The following KCNN2 variants were observed in gnomAD, a reference collection of about 807,000 sequenced individuals.
The protein encoded by KCNN2 is potassium calcium-activated channel subfamily N member 2, also known as small conductance calcium-activated potassium channel protein 2.
In KCNN2, 24 loss-of-function variants were observed where a neutral mutation model predicts 55.5. That is an observed-to-expected ratio of 0.43 (90% CI 0.31 to 0.61). The LOEUF is 0.61. Among genes scored for constraint, KCNN2 ranks in the 20% least tolerant of loss-of-function variants. The pLI, the probability that KCNN2 is intolerant of heterozygous loss-of-function variation, is 0.08. For synonymous variants in KCNN2, 431 were observed against 336.1 expected (o/e 1.28, Z -3.09); for missense variants, 754 against 853.6 (o/e 0.88, Z 1.45).
chr5:114,325,221 G>C (rs1452086672), intron 2 of KCNN2, among the ~76,000 whole-genome samples: 1 of 152,156 alleles, frequency 6.6e-6, no homozygotes, highest in Non-Finnish European at 1.5e-5. Context: ...GAGGAATCAG[G>C]ACGTGATGAT....
intron 3 of KCNN2, among the ~76,000 whole-genome samples, chr5:114,427,524 C>T (rs1029267791): frequency 6.6e-6 from 1 of 152,180 alleles, no homozygotes; most frequent in African/African-American, 2.4e-5. Context: ...TATTAGAGTC[C>T]TATTATGTTA....
At chr5:114,286,524 A>G (rs1755757791) in intron 2 of KCNN2, among the ~76,000 whole-genome samples, 1 of 152,194 alleles carries the variant, frequency 6.6e-6, no homozygotes, top group Admixed American at 6.5e-5. Flanking sequence ...GAGGAAAACT[A>G]ATGTTTTAGT....
chr5:114,426,568 C>G (rs1392217426), intron 3 of KCNN2, among the ~76,000 whole-genome samples: 2 of 151,962 alleles, frequency 1.3e-5, no homozygotes, highest in African/African-American at 4.8e-5. Flanking sequence ...GAGTATAATT[C>G]TTCTTTAAAC....
exon 1 of KCNN2, chr5:114,056,374 C>A (rs1750207327): frequency 7.5e-6 from 3 of 398,518 alleles, no homozygotes; most frequent in African/African-American, 6.2e-5. Flanking sequence ...TCCCGGTGAA[C>A]CTGCCGGAAT....
At chr5:114,420,705 TTTAAA>T (rs1367443359) in intron 3 of KCNN2, among the ~76,000 whole-genome samples, 7 of 152,348 alleles carry the variant, frequency 4.6e-5, no homozygotes, top group African/African-American at 1.2e-4. Flanking sequence ...ACATTTTTAC[TTTAAA>T]TTAAGAAAGC....
chr5:114,496,133 G>A lies in KCNN2; in HGVS notation c.2327G>A (p.Arg776Lys). ...GAGCGGTCCCGGTCCTCGTCCAGGAGGCGGCGGTCCTCTTCCACAGCACCA... is the reference window on the plus strand; with the variant it reads ...GAGCGGTCCCGGTCCTCGTCCAGGAAGCGGCGGTCCTCTTCCACAGCACCA... ...NAERSRSSSR[R>K]RRSSSTAPPT... is the part of the protein sequence containing the mutation. Residue 776 changes from arginine (R) to lysine (K), a missense_variant, in exon 8 of 8, where the codon AGG becomes AAG. By Grantham distance (26) the Arg-to-Lys change is conservative. Coordinates refer to ENST00000673685, the MANE Select transcript of KCNN2 (RefSeq NM_021614.4). The A allele has an allele frequency of 1.9e-6, 3 of 1,613,998 alleles. No individual in the cohort carries two copies. The highest frequency in any genetic ancestry group is 2.5e-6 in the Non-Finnish European group (3 of 1,179,958).
chr5:114,378,347 G>A (rs1367285403), intron 2 of KCNN2, among the ~76,000 whole-genome samples: 1 of 152,206 alleles, frequency 6.6e-6, no homozygotes, highest in Non-Finnish European at 1.5e-5. Flanking sequence ...CAGCCCCTGA[G>A]TTAGAGAAGT....
intron 1 of KCNN2, among the ~76,000 whole-genome samples, chr5:114,098,693 C>T (rs552003494): frequency 1.3e-5 from 2 of 152,242 alleles, no homozygotes; most frequent in Non-Finnish European, 2.9e-5. Context: ...GTCTACCACA[C>T]TTCTCTTTTA....
At chr5:114,393,990 T>A (rs1000262918) in intron 2 of KCNN2, among the ~76,000 whole-genome samples, 10 of 152,128 alleles carry the variant, frequency 6.6e-5, no homozygotes, top group African/African-American at 2.4e-4. Flanking sequence ...ATTCACTATT[T>A]TTCACTCTTG....
At chr5:114,410,993 C>G (rs1243666925) in intron 3 of KCNN2, among the ~76,000 whole-genome samples, 3 of 152,092 alleles carry the variant, frequency 2.0e-5, no homozygotes, top group Non-Finnish European at 2.9e-5. Context: ...TTTGGATAAT[C>G]TAAACTGCAT....
At chr5:114,086,597 T>C (rs996707455) in intron 1 of KCNN2, among the ~76,000 whole-genome samples, 1 of 152,044 alleles carries the variant, frequency 6.6e-6, no homozygotes, top group Non-Finnish European at 1.5e-5. Flanking sequence ...TCTATGTCAC[T>C]GCAAAGGACG....
chr5:114,258,337 A>T (rs1755026541), intron 2 of KCNN2, among the ~76,000 whole-genome samples: 1 of 152,090 alleles, frequency 6.6e-6, no homozygotes, highest in Non-Finnish European at 1.5e-5. Context: ...TGGCTCTGGT[A>T]TTAGGGTGAC....
At chr5:114,358,451 A>T (rs1283263472), upstream of KCNN2, among the ~76,000 whole-genome samples, 2 of 152,192 alleles carry the variant, frequency 1.3e-5, no homozygotes, top group African/African-American at 2.4e-5. Context: ...GCCATAAGAA[A>T]AAAATAGGCA....
At chr5:114,106,425 G>C (rs962266886) in intron 1 of KCNN2, among the ~76,000 whole-genome samples, 28 of 151,330 alleles carry the variant, frequency 1.9e-4, no homozygotes, top group African/African-American at 6.3e-4. Flanking sequence ...TATTGCGAAG[G>C]GTTTTCCAAA....
At chr5:114,175,045 TG>T (rs1403756437) in intron 1 of KCNN2, among the ~76,000 whole-genome samples, 1 of 152,204 alleles carries the variant, frequency 6.6e-6, no homozygotes, top group African/African-American at 2.4e-5. Context: ...ATTTATTTGC[TG>T]GGCTGTTTTC....
At chr5:114,467,338 A>G (rs753932587) in intron 4 of KCNN2, among the ~76,000 whole-genome samples, 1 of 152,196 alleles carries the variant, frequency 6.6e-6, no homozygotes, top group African/African-American at 2.4e-5. Flanking sequence ...GCCAGTGTAC[A>G]TAGAAATCCT....
chr5:114,082,256 C>G (rs1420213991), intron 1 of KCNN2, among the ~76,000 whole-genome samples: 1 of 150,892 alleles, frequency 6.6e-6, no homozygotes, highest in African/African-American at 2.4e-5. Flanking sequence ...CCCAGGAGGT[C>G]AAGGCCACAG....
chr5:114,085,471 T>C (rs1451353001), intron 1 of KCNN2, among the ~76,000 whole-genome samples: 1 of 152,044 alleles, frequency 6.6e-6, no homozygotes, highest in African/African-American at 2.4e-5. Flanking sequence ...ATTGTGTTTT[T>C]AACTTTAGTT....
chr5:114,187,959 T>A (rs531910627), intron 1 of KCNN2, among the ~76,000 whole-genome samples: 91 of 151,878 alleles, frequency 6.0e-4, no homozygotes, highest in African/African-American at 2.1e-3. Flanking sequence ...GGATTACAGG[T>A]ACTCACCACC....
Sources: allele counts gnomAD v4.1 joint callset (sites outside exome capture counted in the v4.1 genomes callset), GRCh38; gene constraint gnomAD v4.1.1; transcripts MANE v1.5; gene names NCBI Gene and HGNC (gene_info 2026-07-23, HGNC 2026-07-21).